Variants in SEMA6A observed in about 807,000 individuals in gnomAD.
SEMA6A encodes the protein semaphorin 6A, also known as semaphorin-6A.
Under a neutral mutation model 96.8 loss-of-function variants are expected in SEMA6A, and 25 were observed. That is an observed-to-expected ratio of 0.26 (90% CI 0.19 to 0.36). The LOEUF (loss-of-function observed/expected upper bound fraction) is 0.36. SEMA6A is among the 10% of genes least tolerant of loss of function. The probability of loss-of-function intolerance (pLI) is 1.00; values close to 1 mark genes in which losing one functional copy is unlikely to be tolerated. For missense variants in SEMA6A, 1,363 were observed against 1,323.1 expected (o/e 1.03, Z -0.47); for synonymous variants, 612 against 518.0 (o/e 1.18, Z -2.46).
rs754252168 is a variant in SEMA6A at position 116,446,691 on chromosome 5, C to T, written c.3015G>A (p.Ser1005=). 13 of 1,573,910 alleles carry T rather than the reference C, an allele frequency of 8.3e-6. No homozygotes were observed. Among genetic ancestry groups the T allele is most frequent in the Middle Eastern group, 1.7e-4 (1 of 5,894 alleles). Residue 1005 remains serine, a synonymous_variant, in exon 19 of 19, where the codon TCG becomes TCA. Transcript: ENST00000343348. ...GTTTGGGGGGTACGTCCGGCTTTAG[C>T]GAGGGCGTACGCTTCAGCCCCGACC... ...LTRSGLKRTP[S]LKPDVPPKPS...
At chr5:116,557,226 T>C (rs1371916893) in intron 1 of SEMA6A, among the ~76,000 whole-genome samples, 1 of 152,232 alleles carries the variant, frequency 6.6e-6, no homozygotes, top group Admixed American at 6.5e-5. Context: ...GTGGTTGAAA[T>C]ACTTTTCTTT....
At chr5:116,504,815 G>A (rs1201516305) in intron 2 of SEMA6A, 30 bp downstream of exon 2, 1 of 1,500,962 alleles carries the variant, frequency 6.7e-7, no homozygotes, top group Admixed American at 1.9e-5. Flanking sequence ...TTCTCAAAGG[G>A]AGACACTGAG....
intron 1 of SEMA6A, among the ~76,000 whole-genome samples, chr5:116,564,117 G>A (rs1033203049): frequency 6.6e-6 from 1 of 152,184 alleles, no homozygotes; most frequent in African/African-American, 2.4e-5. Flanking sequence ...CCTTTAATGT[G>A]GTTGGGTAAC....
intron 7 of SEMA6A, among the ~76,000 whole-genome samples, chr5:116,489,918 A>T (rs543231705): frequency 5.6e-4 from 85 of 152,312 alleles, no homozygotes; most frequent in Non-Finnish European, 1.0e-3. Flanking sequence ...TATTCAAAAT[A>T]AAAAAATTAC....
intron 15 of SEMA6A, among the ~76,000 whole-genome samples, chr5:116,477,327 G>A (rs749292121): frequency 1.7e-3 from 254 of 152,280 alleles, no homozygotes; most frequent in African/African-American, 5.2e-3. Flanking sequence ...ATTGATTGAC[G>A]GCCTGATGAG....
intron 18 of SEMA6A, among the ~76,000 whole-genome samples, chr5:116,454,789 A>AGTGTGT (rs10699953): frequency 1.5e-4 from 22 of 150,500 alleles, no homozygotes; most frequent in East Asian, 3.9e-4. Context: ...TTTTCCTTTA[A>AGTGTGT]GTGTGTGTGT....
intron 1 of SEMA6A, among the ~76,000 whole-genome samples, chr5:116,539,618 T>TGTGG (rs748442933): frequency 2.5e-4 from 38 of 151,726 alleles, no homozygotes; most frequent in East Asian, 9.7e-4. Flanking sequence ...TGTGTGTGTG[T>TGTGG]ACTTTCTTTA....
intron 17 of SEMA6A, 51 bp downstream of exon 17, chr5:116,473,022 C>T: frequency 6.4e-7 from 1 of 1,560,562 alleles, no homozygotes; most frequent in Non-Finnish European, 8.7e-7. Flanking sequence ...AATAGACATT[C>T]TCAGATAGGT....
rs1460324343 is a variant in SEMA6A at position 116,574,579 on chromosome 5, A to G, written c.-433T>C. ...TGGTGTCTGCGCCGATTAACAAGTC[A>G]TTTCAGGGCGGGGGGCGGGGTGGGG... On this transcript the variant is annotated 5_prime_UTR_variant, in exon 1 of 19. It removes an upstream start codon present in the reference 5' UTR. Coordinates refer to ENST00000343348, the MANE Select transcript of SEMA6A (RefSeq NM_020796.5). The G allele has an allele frequency of 8.4e-6, 1 of 119,330 alleles. No homozygotes were observed. The highest frequency in any genetic ancestry group is 3.2e-5 in the African/African-American group (1 of 31,296). 7.4% of individuals were successfully genotyped at this position (119,330 alleles called of 1,614,324 possible).
chr5:116,493,823 G>T (rs1474306529), intron 6 of SEMA6A, among the ~76,000 whole-genome samples: 1 of 152,048 alleles, frequency 6.6e-6, no homozygotes, highest in East Asian at 1.9e-4. Context: ...CTCCACATCT[G>T]TCTCTAAACC....
At chr5:116,481,948 C>T (rs139093552) in intron 11 of SEMA6A, among the ~76,000 whole-genome samples, 1 of 152,312 alleles carries the variant, frequency 6.6e-6, no homozygotes, top group African/African-American at 2.4e-5. Flanking sequence ...GTCCACTGTA[C>T]CCGCTGGATT....
In SEMA6A at chr5:116,446,264, ATGTGTGTGTG is replaced by A. The variant is rs16372; in HGVS notation, c.*339_*348del. The A allele has an allele frequency of 6.9e-4, 122 of 176,370 alleles. No homozygotes were observed. Among genetic ancestry groups the A allele is most frequent in the Middle Eastern group, 2.2e-3 (1 of 454 alleles). The allele number at this position is 176,370 out of a possible 1,614,324, so 10.9% of individuals were successfully genotyped here. The stretch of plus-strand genomic sequence containing the variant: ...GCGTGTGTGTGTATGTGTTGTGTGC[ATGTGTGTGTG>A]TGTGTGTGTGTGGGGGTGGGGGATG... On this transcript the variant is annotated 3_prime_UTR_variant, in exon 19 of 19. Coordinates refer to ENST00000343348, the MANE Select transcript of SEMA6A (RefSeq NM_020796.5).
intron 6 of SEMA6A, 137 bp from the exon 7 acceptor site, chr5:116,491,967 TA>T: frequency 1.5e-6 from 1 of 662,032 alleles, no homozygotes; most frequent in Middle Eastern, 3.9e-4. Context: ...AAGCCACTTT[TA>T]AACTGTAGTT....
At chr5:116,522,848 C>T (rs1759022145) in intron 1 of SEMA6A, among the ~76,000 whole-genome samples, 1 of 152,098 alleles carries the variant, frequency 6.6e-6, no homozygotes, top group Admixed American at 6.5e-5. Context: ...CCAAATGCTG[C>T]TTTTGAAGCA....
intron 2 of SEMA6A, among the ~76,000 whole-genome samples, chr5:116,503,811 T>C (rs1013304764): frequency 2.6e-5 from 4 of 152,120 alleles, no homozygotes; most frequent in African/African-American, 7.2e-5. Flanking sequence ...CACCGCGCCC[T>C]GCCCTGGAGT....
chr5:116,521,700 T>C (rs1485721093), intron 1 of SEMA6A, among the ~76,000 whole-genome samples: 1 of 151,578 alleles, frequency 6.6e-6, no homozygotes, highest in Non-Finnish European at 1.5e-5. Context: ...GGCCAGAACA[T>C]ACCACCTACC....
chr5:116,573,025 C>A (rs1017290367), intron 1 of SEMA6A, among the ~76,000 whole-genome samples: 1 of 152,204 alleles, frequency 6.6e-6, no homozygotes, highest in East Asian at 1.9e-4. Flanking sequence ...TGGCTCCCCC[C>A]GTGCCGCTCG....
intron 1 of SEMA6A, among the ~76,000 whole-genome samples, chr5:116,560,249 G>C (rs901599339): frequency 6.6e-6 from 1 of 152,166 alleles, no homozygotes; most frequent in African/African-American, 2.4e-5. Context: ...AGCATCTTCT[G>C]CATTCTGCAT....
At chr5:116,496,006 G>C in intron 5 of SEMA6A, 1 of 434,442 alleles carries the variant, frequency 2.3e-6, no homozygotes, top group South Asian at 2.5e-5. Context: ...AGCCGGCTTT[G>C]TGTCCATAAT....
Sources: allele counts gnomAD v4.1 joint callset (sites outside exome capture counted in the v4.1 genomes callset), GRCh38; gene constraint gnomAD v4.1.1; transcripts MANE v1.5; gene names NCBI Gene and HGNC (gene_info 2026-07-23, HGNC 2026-07-21).